Variants in NSUN6 observed in about 807,000 individuals in gnomAD.
The protein encoded by NSUN6 is NOP2/Sun RNA methyltransferase 6.
NSUN6 carries 64 observed loss-of-function variants against 58.0 expected under a neutral mutation model. The observed-to-expected ratio is 1.10, with a 90% CI of 0.90 to 1.36. The LOEUF (loss-of-function observed/expected upper bound fraction) is 1.36. NSUN6 is among the 40% of genes most tolerant of loss of function. NSUN6 has a pLI of 0.00. For missense variants in NSUN6, 701 were observed against 550.1 expected, an observed-to-expected ratio of 1.27 and a Z score of -2.74; for synonymous variants, 231 against 193.9, an observed-to-expected ratio of 1.19 and a Z score of -1.59.
intron 3 of NSUN6, among the ~76,000 whole-genome samples, chr10:18,631,907 T>A (rs956806274): frequency 1.3e-5 from 2 of 152,194 alleles, no homozygotes; most frequent in Non-Finnish European, 2.9e-5. Context: ...AAAACTACTT[T>A]AAAGTTCATA....
Position 18,642,516 on chromosome 10 carries a change from C to A in NSUN6, c.271G>T (p.Asp91Tyr), listed in dbSNP as rs749356061. Residue 91 changes from aspartate to tyrosine, a missense_variant, in exon 3 of 11, where the codon GAC becomes TAC. Coordinates refer to ENST00000377304, the MANE Select transcript of NSUN6 (RefSeq NM_182543.5). ...GGAATAAGTAACACATCTTGAAGGT[C>A]TGGATGTTGAAGAATAGGAACACTT... ...GLSVPILQHP[D>Y]LQDVLLIPVI... 1 of 1,563,338 alleles carries A rather than the reference C, an allele frequency of 6.4e-7. No individual in the cohort carries two copies. Among genetic ancestry groups the A allele is most frequent in the Non-Finnish European group, 8.8e-7 (1 of 1,134,778 alleles).
chr10:18,641,159 G>A (rs180890004), intron 3 of NSUN6, among the ~76,000 whole-genome samples: 1 of 152,120 alleles, frequency 6.6e-6, no homozygotes, highest in East Asian at 1.9e-4. Context: ...CTATCCCATT[G>A]CATGGACAAA....
intron 8 of NSUN6, among the ~76,000 whole-genome samples, chr10:18,558,899 G>T (rs1483199459): frequency 1.3e-5 from 2 of 151,160 alleles, no homozygotes; most frequent in African/African-American, 2.4e-5. Flanking sequence ...GAATAGAATG[G>T]AGTGAAGAAT....
At chr10:18,653,608 A>C (rs2059745297), upstream of NSUN6, 1 of 152,406 alleles carries the variant, frequency 6.6e-6, no homozygotes, top group South Asian at 2.1e-4. Flanking sequence ...CTCAGCTCAA[A>C]GTGATCCACC....
chr10:18,583,224 C>G (rs2056983872), intron 8 of NSUN6, among the ~76,000 whole-genome samples: 1 of 152,168 alleles, frequency 6.6e-6, no homozygotes, highest in South Asian at 2.1e-4. Flanking sequence ...CTTGTAACCC[C>G]CTCCTCTGCT....
At chr10:18,586,394 T>C (rs1387934267) in intron 7 of NSUN6, among the ~76,000 whole-genome samples, 1 of 152,286 alleles carries the variant, frequency 6.6e-6, no homozygotes, top group Non-Finnish European at 1.5e-5. Flanking sequence ...TGTCTGGAGT[T>C]TCTTCCTTCC....
chr10:18,632,926 A>G (rs1326231493), intron 3 of NSUN6, among the ~76,000 whole-genome samples: 2 of 152,304 alleles, frequency 1.3e-5, no homozygotes, highest in East Asian at 3.9e-4. Flanking sequence ...AAAGGACTAT[A>G]AATCATGCTG....
chr10:18,642,790 T>C (rs2059427210), intron 2 of NSUN6, among the ~76,000 whole-genome samples: 1 of 152,208 alleles, frequency 6.6e-6, no homozygotes, highest in African/African-American at 2.4e-5. Context: ...GCTTACTATT[T>C]GGCATTATAA....
intron 3 of NSUN6, among the ~76,000 whole-genome samples, chr10:18,621,504 G>A (rs2131391666): frequency 6.6e-6 from 1 of 152,308 alleles, no homozygotes; most frequent in Non-Finnish European, 1.5e-5. Flanking sequence ...ATTTAAGTCA[G>A]CATTGTTGAA....
At chr10:18,623,840 T>A (rs558594192) in intron 3 of NSUN6, among the ~76,000 whole-genome samples, 1 of 152,168 alleles carries the variant, frequency 6.6e-6, no homozygotes. Flanking sequence ...GAGCCTCGGC[T>A]CTGCTCACCA....
At chr10:18,644,663 T>G (rs964592968) in intron 2 of NSUN6, among the ~76,000 whole-genome samples, 2 of 150,796 alleles carry the variant, frequency 1.3e-5, no homozygotes, top group African/African-American at 4.9e-5. Flanking sequence ...GGTGAAACCC[T>G]GTGTCTACTA....
intron 2 of NSUN6, among the ~76,000 whole-genome samples, chr10:18,643,297 G>A (rs2059442601): frequency 6.6e-6 from 1 of 151,522 alleles, no homozygotes; most frequent in South Asian, 2.1e-4. Context: ...ATAAAAAACA[G>A]CTGCATAGGG....
chr10:18,582,400 A>G (rs551224521), intron 8 of NSUN6, among the ~76,000 whole-genome samples: 1 of 152,232 alleles, frequency 6.6e-6, no homozygotes, highest in East Asian at 1.9e-4. Context: ...GCCTCAGCAC[A>G]CTCTTGAAAA....
At chr10:18,575,754 T>C (rs886362893) in intron 8 of NSUN6, among the ~76,000 whole-genome samples, 1 of 152,130 alleles carries the variant, frequency 6.6e-6, no homozygotes, top group Non-Finnish European at 1.5e-5. Flanking sequence ...TTTCTCCTTA[T>C]GAGATGCTCT....
intron 2 of NSUN6, among the ~76,000 whole-genome samples, chr10:18,644,758 T>G (rs1163381763): frequency 5.3e-5 from 8 of 149,990 alleles, no homozygotes; most frequent in African/African-American, 2.0e-4. Context: ...GAGAATGGCG[T>G]GAACCCAGGA....
chr10:18,566,824 TTCCATTCCATTC>T (rs1044368401), intron 8 of NSUN6, among the ~76,000 whole-genome samples: 5 of 150,982 alleles, frequency 3.3e-5, no homozygotes, highest in South Asian at 4.2e-4. Context: ...CCATTTTTCA[TTCCATTCCATTC>T]TCCATTCCAT....
At chr10:18,628,457 G>C (rs1021569862) in intron 3 of NSUN6, among the ~76,000 whole-genome samples, 1 of 152,160 alleles carries the variant, frequency 6.6e-6, no homozygotes, top group African/African-American at 2.4e-5. Context: ...AAATTACTCC[G>C]AGCTACGGGA....
At chr10:18,576,610 A>G (rs1463738471) in intron 8 of NSUN6, among the ~76,000 whole-genome samples, 1 of 152,216 alleles carries the variant, frequency 6.6e-6, no homozygotes, top group Non-Finnish European at 1.5e-5. Context: ...CCTGCAGGTC[A>G]GCCCCCGAGG....
chr10:18,648,735 C>T (rs2059621437), intron 1 of NSUN6, 90 bp from the exon 2 acceptor site: 3 of 709,120 alleles, frequency 4.2e-6, no homozygotes, highest in Non-Finnish European at 4.7e-6. Flanking sequence ...TGAAACATCG[C>T]TTAGCAATTG....
Sources: allele counts gnomAD v4.1 joint callset (sites outside exome capture counted in the v4.1 genomes callset), GRCh38; gene constraint gnomAD v4.1.1; transcripts MANE v1.5; gene names NCBI Gene and HGNC (gene_info 2026-07-23, HGNC 2026-07-21).